The following TKFC variants were observed in gnomAD, a reference collection of about 807,000 sequenced individuals.
The protein encoded by TKFC is triokinase and FMN cyclase, also known as triokinase/FMN cyclase.
A neutral mutation model predicts 61.0 loss-of-function variants in TKFC; 46 were observed. The observed-to-expected ratio is 0.75, with a 90% CI of 0.60 to 0.96. The LOEUF is 0.96. Among genes scored for constraint, TKFC ranks in the 50% least tolerant of loss-of-function variants. The probability of loss-of-function intolerance (pLI) is 0.00; values close to 1 mark genes in which losing one functional copy is unlikely to be tolerated. For missense variants in TKFC, 715 were observed against 777.5 expected, an observed-to-expected ratio of 0.92 and a Z score of 0.96; for synonymous variants, 314 against 330.1, an observed-to-expected ratio of 0.95 and a Z score of 0.53.
chr11:61,345,181 G>A, intron 13 of TKFC, 79 bp from the exon 14 acceptor site: 1 of 1,258,766 alleles, frequency 7.9e-7, no homozygotes, highest in Non-Finnish European at 1.1e-6. Context: ...GCCTTTTCCA[G>A]CCTTCATTGG....
intron 1 of TKFC, chr11:61,333,875 A>C (rs1305314215): frequency 2.6e-5 from 4 of 152,140 alleles, no homozygotes; most frequent in Non-Finnish European, 5.9e-5. Context: ...CATTTTACAG[A>C]TGAGGAAGCT....
At position 61,338,046 on chromosome 11, in the gene TKFC, GC is replaced by G. The variant is rs1314398071; in HGVS notation, c.112del (p.Leu38SerfsTer30). 1.2e-6 allele frequency: 2 copies of G among 1,612,986 alleles called. No individual in the cohort carries two copies. Among genetic ancestry groups the G allele is most frequent in the African/African-American group, 2.7e-5 (2 of 74,920 alleles). ...NLQLLQGHRV[A>X]LRSDLDSLKG... ...GCAGCTCCTGCAGGGCCACCGCGTG[GC>G]CCTCCGTTCTGACCTGGACAGCCTC... On this transcript the variant is annotated frameshift_variant, in exon 3 of 18. Coordinates refer to ENST00000394900, the MANE Select transcript of TKFC (RefSeq NM_015533.4). LOFTEE classifies it high-confidence loss of function.
intron 3 of TKFC, among the ~76,000 whole-genome samples, chr11:61,338,350 C>G (rs1856704133): frequency 6.6e-6 from 1 of 152,208 alleles, no homozygotes. Context: ...GCCAAACAAT[C>G]TCTCAAGTCC....
chr11:61,353,241 T>C (rs1161993458), downstream of TKFC: 1 of 1,422,032 alleles, frequency 7.0e-7, no homozygotes. Context: ...TGGCTCTTCT[T>C]TCACAACTCA....
At position 61,345,534 on chromosome 11, in the gene TKFC, GC is replaced by G. The variant is rs1565058182; in HGVS notation, c.1422del (p.Met475TrpfsTer46). On this transcript the variant is annotated frameshift_variant, in exon 15 of 18. Transcript: ENST00000394900. LOFTEE classifies it high-confidence loss of function. The part of the protein sequence containing the change: ...AKTSLPAWSA[A>X]MDAGLEAMQK... ...GACCAGCCTCCCAGCCTGGTCTGCT[GC>G]CATGGATGCCGGCCTGGAAGCCATG... 6.2e-7 allele frequency: 1 copy of G among 1,613,246 alleles called. No individual in the cohort carries two copies. The highest frequency in any genetic ancestry group is 8.5e-7 in the Non-Finnish European group (1 of 1,180,044).
rs1565053177 is a variant in TKFC at position 61,342,564 on chromosome 11, C to T, written c.691-10C>T. The T allele has an allele frequency of 6.2e-7, 1 of 1,613,996 alleles. No homozygotes were observed. Among genetic ancestry groups the T allele is most frequent in the East Asian group, 2.2e-5 (1 of 44,880 alleles). On this transcript the variant is annotated splice_polypyrimidine_tract_variant and intron_variant, in intron 8 of 17. Coordinates refer to ENST00000394900, the MANE Select transcript of TKFC (RefSeq NM_015533.4). Reference sequence around the variant, plus strand: ...CCCAGATGCAGCTCATTCCTGGCTCCCTCTGACAGATGGCAACCGCCGATG... The same window carrying T: ...CCCAGATGCAGCTCATTCCTGGCTCTCTCTGACAGATGGCAACCGCCGATG...
chr11:61,346,838 ACT>A lies in TKFC; in HGVS notation c.*337_*338del. On this transcript the variant is annotated 3_prime_UTR_variant, in exon 18 of 18. Coordinates refer to ENST00000394900, the MANE Select transcript of TKFC (RefSeq NM_015533.4). The surrounding 1 kb of genome is among the most constrained non-coding windows in gnomAD (Gnocchi z 4.1). ...CTGGCAATCCTAATTTGGTTTTAAG[ACT>A]CCCTGTGAAATGCTTTCCGCACCTT... The A allele has an allele frequency of 9.4e-7, 1 of 1,069,486 alleles. No individual in the cohort carries two copies. The allele number at this position is 1,069,486 out of a possible 1,614,324, so 66.2% of individuals were successfully genotyped here.
intron 5 of TKFC, among the ~76,000 whole-genome samples, chr11:61,340,166 C>T (rs913200570): frequency 1.2e-4 from 18 of 152,068 alleles, no homozygotes; most frequent in African/African-American, 4.1e-4. Flanking sequence ...CGCCTGCCAC[C>T]ACGCCCGGCT....
At chr11:61,334,944 T>A (rs1453961751) in intron 2 of TKFC, among the ~76,000 whole-genome samples, 1 of 152,212 alleles carries the variant, frequency 6.6e-6, no homozygotes, top group Non-Finnish European at 1.5e-5. Flanking sequence ...GGCCTGGGGC[T>A]GCAGCCTCTT....
chr11:61,342,923 G>A lies in TKFC; in HGVS notation c.865+79G>A, dbSNP rs570811986. The A allele has an allele frequency of 6.2e-5, 87 of 1,407,378 alleles. 2 individuals carry two copies. The highest frequency in any genetic ancestry group is 5.9e-4 in the South Asian group (51 of 85,740). The allele number at this position is 1,407,378 out of a possible 1,614,324, so 87.2% of individuals were successfully genotyped here. A position where few individuals can be genotyped will look rare whatever the true frequency, so the allele number is the denominator to read the frequency against. On this transcript the variant is annotated intron_variant, in intron 10 of 17. Transcript: ENST00000394900. ...AGGGTCTTGTGATGGCAGAGAACAC[G>A]GACTGTGCGTCAGATAAGCCTGAGT...
In TKFC at chr11:61,333,235, C is replaced by T. The variant is rs920701196; in HGVS notation, c.-204C>T. 1.5e-5 allele frequency: 5 copies of T among 336,172 alleles called. No homozygotes were observed. In the Admixed American group the frequency reaches 2.4e-4, roughly 16 times the overall value. The allele number at this position is 336,172 out of a possible 1,614,324, so 20.8% of individuals were successfully genotyped here. Reference sequence around the variant, plus strand: ...ACCGCCTCGCCTCTTTCCGCCAGCGCCCGCAGGACCCGGATGAGAGCGCAC... The same window carrying T: ...ACCGCCTCGCCTCTTTCCGCCAGCGTCCGCAGGACCCGGATGAGAGCGCAC... On this transcript the variant is annotated 5_prime_UTR_variant, in exon 1 of 18. Transcript: ENST00000394900.
intron 1 of TKFC, chr11:61,333,560 C>G (rs55911301): frequency 7.2e-5 from 11 of 152,498 alleles, no homozygotes; most frequent in African/African-American, 2.6e-4. Context: ...TCCTCCAGAT[C>G]CAGCTGGTGC....
At chr11:61,338,588 C>T (rs1366346665) in intron 3 of TKFC, among the ~76,000 whole-genome samples, 3 of 152,112 alleles carry the variant, frequency 2.0e-5, no homozygotes, top group South Asian at 2.1e-4. Flanking sequence ...GACTAGGATG[C>T]GCGTCATTTC....
At chr11:61,352,937 C>T, downstream of TKFC, 4 of 1,613,800 alleles carry the variant, frequency 2.5e-6, no homozygotes, top group Non-Finnish European at 3.4e-6. Flanking sequence ...TTTTGAAGAC[C>T]CTATTCCCTC....
rs755294751 is a variant in TKFC, at chr11:61,341,891, G to A, written c.634G>A (p.Asp212Asn). The A allele has an allele frequency of 2.4e-5, 38 of 1,613,408 alleles. No homozygotes were observed. The highest frequency in any genetic ancestry group is 1.6e-4 in the Middle Eastern group (1 of 6,076). The change falls in exon 7 of 18, where the codon GAC (aspartate) becomes AAC (asparagine). Residue 212 changes from aspartate (D) to asparagine (N), a missense_variant. Asp to Asn is a conservative substitution (Grantham distance 23). Transcript: ENST00000394900. Reference sequence around the variant, plus strand: ...CAAACCCACCTTCGAGCTCTCAGCCGACGAGGTGGAGCTGGGCCTGGGTAA... The same window carrying A: ...CAAACCCACCTTCGAGCTCTCAGCCAACGAGGTGGAGCTGGGCCTGGGTAA... The part of the protein sequence containing the change: ...GSKPTFELSA[D>N]EVELGLGIHG...
Position 61,333,262 on chromosome 11 carries a change from C to A in TKFC, c.-177C>A, listed in dbSNP as rs573567483. ...CGCAGGACCCGGATGAGAGCGCACG[C>A]TTCGGGGTCTCCGGGAAGTCGCGGC... On this transcript the variant is annotated 5_prime_UTR_variant, in exon 1 of 18. Transcript: ENST00000394900. 2 of 293,984 alleles carry A rather than the reference C, an allele frequency of 6.8e-6. No individual in the cohort carries two copies. Among genetic ancestry groups the A allele is most frequent in the South Asian group, 1.5e-4 (1 of 6,710 alleles). 18.2% of individuals were successfully genotyped at this position (293,984 alleles called of 1,614,324 possible).
intron 7 of TKFC, 143 bp downstream of exon 7, chr11:61,342,055 G>A (rs1856879182): frequency 6.2e-6 from 5 of 801,392 alleles, no homozygotes; most frequent in Non-Finnish European, 7.8e-6. Context: ...GCCCAGCCTG[G>A]GCCAACCTGC....
rs1243509211 is a variant in TKFC, at chr11:61,343,936, G to C, written c.1063G>C (p.Ala355Pro). The change falls in exon 12 of 18, where the codon GCC becomes CCC. Residue 355 changes from alanine to proline, a missense_variant. By Grantham distance (27) the Ala-to-Pro change is conservative (BLOSUM62 -1). Transcript: ENST00000394900. ...GCGGAAGCGGAGCCGGGTAGCCCCT[G>C]CCGAGCCCCAGGAGGCCCCTGATTC... ...TGRKRSRVAP[A>P]EPQEAPDSTA... The C allele has an allele frequency of 6.2e-7, 1 of 1,611,472 alleles. No homozygotes were observed. The highest frequency in any genetic ancestry group is 8.5e-7 in the Non-Finnish European group (1 of 1,179,978).
chr11:61,339,409 CTGT>C lies in TKFC; in HGVS notation c.461_463del (p.Leu154_Cys155delinsArg). 6.2e-7 allele frequency: 1 copy of C among 1,611,752 alleles called. No individual in the cohort carries two copies. Among genetic ancestry groups the C allele is most frequent in the South Asian group, 1.1e-5 (1 of 90,928 alleles). On this transcript the variant is annotated inframe_deletion, in exon 5 of 18. Transcript: ENST00000394900. ...CCTGAAGAAGGCAGGCCGGCGGGGG[CTGT>C]GCGGCACGGTGCTTATACACAAGGT... is the stretch of plus-strand genomic sequence containing the variant.
Sources: allele counts gnomAD v4.1 joint callset (sites outside exome capture counted in the v4.1 genomes callset), GRCh38; gene constraint gnomAD v4.1.1; non-coding constraint Gnocchi (gnomAD v3.1); transcripts MANE v1.5; gene names NCBI Gene and HGNC (gene_info 2026-07-23, HGNC 2026-07-21).